IL5RA: variants seen among roughly 807,000 people sequenced by gnomAD.
The protein encoded by IL5RA is interleukin 5 receptor subunit alpha, also known as interleukin-5 receptor subunit alpha.
IL5RA carries 49 observed loss-of-function variants against 50.0 expected under a neutral mutation model. The observed-to-expected ratio is 0.98, with a 90% CI of 0.78 to 1.24. The LOEUF is 1.24. Among genes scored for constraint, IL5RA ranks in the 50% most tolerant of loss-of-function variants. IL5RA has a pLI of 0.00. For synonymous variants in IL5RA, 202 were observed against 174.0 expected (o/e 1.16, Z -1.26); for missense variants, 600 against 500.4 (o/e 1.20, Z -1.90).
intron 9 of IL5RA, among the ~76,000 whole-genome samples, chr3:3,089,748 G>A (rs536162513): frequency 2.0e-4 from 31 of 151,796 alleles, no homozygotes; most frequent in African/African-American, 6.3e-4. Context: ...CCTGCCTCCC[G>A]AGTAGCTGGG....
chr3:3,102,783 A>T lies in IL5RA; in HGVS notation c.120T>A (p.Val40=). ...GTAAAAGAACTTGAGCCAAACCAGT[A>T]ACTTTAATGGTGAAATTGACAGGTG... ...LLPPVNFTIK[V]TGLAQVLLQW... is the part of the protein sequence containing the mutation. The change falls in exon 4 of 12, where the codon GTT becomes GTA. Residue 40 remains valine (V), a synonymous_variant. Transcript: ENST00000446632. 3 of 1,611,980 alleles carry T rather than the reference A, an allele frequency of 1.9e-6. No homozygotes were observed. Among genetic ancestry groups the T allele is most frequent in the Non-Finnish European group, 2.5e-6 (3 of 1,178,908 alleles).
intron 9 of IL5RA, among the ~76,000 whole-genome samples, chr3:3,079,923 A>G (rs1302399023): frequency 6.6e-6 from 1 of 152,122 alleles, no homozygotes; most frequent in Non-Finnish European, 1.5e-5. Flanking sequence ...CATCCCAGCT[A>G]CTAGGGAGGC....
At chr3:3,070,924 C>G (rs1226797601) in intron 11 of IL5RA, among the ~76,000 whole-genome samples, 1 of 152,024 alleles carries the variant, frequency 6.6e-6, no homozygotes, top group African/African-American at 2.4e-5. Context: ...TCTGACATCA[C>G]TGATTGTAAA....
At chr3:3,106,666 C>G (rs1249033080) in intron 2 of IL5RA, among the ~76,000 whole-genome samples, 1 of 152,056 alleles carries the variant, frequency 6.6e-6, no homozygotes, top group Non-Finnish European at 1.5e-5. Flanking sequence ...CACTAGTAAT[C>G]TACTAAGCCT....
intron 2 of IL5RA, among the ~76,000 whole-genome samples, chr3:3,106,859 G>A (rs992288962): frequency 1.3e-5 from 2 of 151,916 alleles, no homozygotes; most frequent in Non-Finnish European, 2.9e-5. Context: ...ATATTTCTTT[G>A]TGACTTTCAC....
At chr3:3,079,653 G>A (rs1009184443) in intron 9 of IL5RA, among the ~76,000 whole-genome samples, 20 of 152,162 alleles carry the variant, frequency 1.3e-4, no homozygotes, top group African/African-American at 4.3e-4. Context: ...TCCTTCCCCA[G>A]CCAGCACCTT....
intron 9 of IL5RA, among the ~76,000 whole-genome samples, chr3:3,084,226 T>A (rs1293118546): frequency 6.6e-6 from 1 of 152,172 alleles, no homozygotes; most frequent in Non-Finnish European, 1.5e-5. Flanking sequence ...AGGTGCTCAA[T>A]AAATATTACT....
intron 9 of IL5RA, among the ~76,000 whole-genome samples, chr3:3,083,357 A>G (rs1210099540): frequency 1.3e-5 from 2 of 152,220 alleles, no homozygotes; most frequent in Admixed American, 6.5e-5. Flanking sequence ...AGCTTGCACT[A>G]TGTTCATCTG....
At chr3:3,075,843 A>G (rs1390894666) in intron 10 of IL5RA, among the ~76,000 whole-genome samples, 9 of 151,452 alleles carry the variant, frequency 5.9e-5, no homozygotes, top group Non-Finnish European at 1.2e-4. Context: ...CTCATGGTCC[A>G]CCCGCTGTGG....
chr3:3,102,360 C>G (rs1703691570), intron 4 of IL5RA, among the ~76,000 whole-genome samples: 1 of 152,228 alleles, frequency 6.6e-6, no homozygotes, highest in Admixed American at 6.5e-5. Flanking sequence ...GCTACTGTCT[C>G]CTGTTCTGTT....
intron 11 of IL5RA, among the ~76,000 whole-genome samples, chr3:3,074,058 C>A (rs1215546749): frequency 6.6e-6 from 1 of 152,206 alleles, no homozygotes; most frequent in Non-Finnish European, 1.5e-5. Flanking sequence ...TGATTTACTC[C>A]AACAAATGAT....
At chr3:3,099,895 C>T (rs1314002960) in intron 5 of IL5RA, among the ~76,000 whole-genome samples, 2 of 152,068 alleles carry the variant, frequency 1.3e-5, no homozygotes, top group African/African-American at 2.4e-5. Context: ...GTCTCGAACA[C>T]TTAACCTCAA....
At chr3:3,093,114 G>C (rs1703203275) in intron 8 of IL5RA, among the ~76,000 whole-genome samples, 1 of 152,032 alleles carries the variant, frequency 6.6e-6, no homozygotes, top group Non-Finnish European at 1.5e-5. Flanking sequence ...CCAGAGTCAT[G>C]GTTTTTAAAA....
intron 11 of IL5RA, among the ~76,000 whole-genome samples, chr3:3,071,475 T>C (rs1410691991): frequency 6.6e-6 from 1 of 152,120 alleles, no homozygotes; most frequent in Non-Finnish European, 1.5e-5. Flanking sequence ...ATAAGTAAAT[T>C]ATCAGAAAAT....
At chr3:3,100,701 C>A (rs377395258) in intron 5 of IL5RA, among the ~76,000 whole-genome samples, 9 of 152,198 alleles carry the variant, frequency 5.9e-5, no homozygotes, top group African/African-American at 2.2e-4. Flanking sequence ...TAGGTAAAAT[C>A]CAGTTGTTCA....
Position 3,102,714 on chromosome 3 carries a change from T to C in IL5RA, c.189A>G (p.Leu63=), listed in dbSNP as rs1703714161. ...GAGCGTTTATTTTCACTTGATATTC[T>C]AGATTAACATTCCTTTGCTCTTGAT... is the stretch of plus-strand genomic sequence containing the variant. ...NPDQEQRNVN[L]EYQVKINAPK... is the part of the protein sequence containing the mutation. Residue 63 remains leucine, a synonymous_variant, in exon 4 of 12, where the codon CTA becomes CTG. Coordinates refer to ENST00000446632, the MANE Select transcript of IL5RA (RefSeq NM_175726.4). 1 of 1,607,090 alleles carries C rather than the reference T, an allele frequency of 6.2e-7. No homozygotes were observed. The highest frequency in any genetic ancestry group is 2.2e-5 in the East Asian group (1 of 44,650).
Position 3,074,300 on chromosome 3 carries a change from C to T in IL5RA, c.1176+482G>A, listed in dbSNP as rs188967109. Reference sequence around the variant, plus strand: ...AGCTAAGCAGAACATTGTACAATCTCATCTGTGTCCCTTATTATACCAGAA... The same window carrying T: ...AGCTAAGCAGAACATTGTACAATCTTATCTGTGTCCCTTATTATACCAGAA... On this transcript the variant is annotated intron_variant, in intron 11 of 11. Transcript: ENST00000446632. Among the ~76,000 whole-genome samples the T allele has an allele frequency of 3.9e-5, 6 of 152,316 alleles. No homozygotes were observed. The East Asian group carries it at 1.2e-3, about 29-fold the overall frequency.
chr3:3,100,166 C>A (rs1703574395), intron 5 of IL5RA, among the ~76,000 whole-genome samples: 1 of 123,604 alleles, frequency 8.1e-6, no homozygotes, highest in African/African-American at 3.4e-5. Context: ...CCAGGAAGGA[C>A]CGCATTCAAG....
intron 3 of IL5RA, among the ~76,000 whole-genome samples, chr3:3,103,841 T>C (rs1171789202): frequency 6.6e-6 from 1 of 152,212 alleles, no homozygotes. Flanking sequence ...TTTACCACAA[T>C]TAGGACGGTA....
Sources: gnomAD v4.1 joint callset for allele counts (sites outside exome capture counted in the v4.1 genomes callset) on GRCh38, gnomAD v4.1.1 for gene constraint, MANE v1.5 for transcripts, NCBI Gene and HGNC (gene_info 2026-07-23, HGNC 2026-07-21) for gene names.